Variants in TENM3 observed in about 807,000 individuals in gnomAD.
The protein encoded by TENM3 is teneurin-3.
A neutral mutation model predicts 255.1 loss-of-function variants in TENM3; 63 were observed. That is an observed-to-expected ratio of 0.25 (90% CI 0.20 to 0.30). TENM3 has a LOEUF of 0.30. Among genes scored for constraint, TENM3 ranks in the 10% least tolerant of loss-of-function variants. The probability of loss-of-function intolerance (pLI) is 1.00; values close to 1 mark genes in which losing one functional copy is unlikely to be tolerated. For synonymous variants in TENM3, 1,306 were observed against 1,322.3 expected (o/e 0.99, Z 0.27); for missense variants, 2,929 against 3,461.1 (o/e 0.85, Z 3.86).
chr4:182,657,679 G>A (rs748030915), intron 6 of TENM3, among the ~76,000 whole-genome samples: 1 of 151,340 alleles, frequency 6.6e-6, no homozygotes, highest in Non-Finnish European at 1.5e-5. Context: ...TTTGAGACAG[G>A]GTCTCACTCT....
At chr4:181,805,498 C>G in the TENM3 span, among the ~76,000 whole-genome samples, 1 of 152,128 alleles carries the variant, frequency 6.6e-6, no homozygotes, top group Non-Finnish European at 1.5e-5. Context: ...AATTTCCTTG[C>G]AGAATCCGCA....
chr4:182,390,853 T>G (rs529893633), intron 3 of TENM3, among the ~76,000 whole-genome samples: 55 of 152,186 alleles, frequency 3.6e-4, no homozygotes, highest in Non-Finnish European at 6.2e-4. Context: ...CCACTTGATA[T>G]GATGATTACT....
chr4:181,509,221 A>C, the TENM3 span, among the ~76,000 whole-genome samples: 1 of 152,118 alleles, frequency 6.6e-6, no homozygotes, highest in Admixed American at 6.5e-5. Flanking sequence ...TTATTTACAG[A>C]GGTCAAAATT....
At chr4:182,144,583 GC>G (rs1749765236), upstream of TENM3, 1 of 148,706 alleles carries the variant, frequency 6.7e-6, no homozygotes, top group Non-Finnish European at 1.5e-5. Context: ...TAACACTCGC[GC>G]CCCCTCCCCG....
chr4:182,669,495 C>T (rs1755024973), intron 6 of TENM3, among the ~76,000 whole-genome samples: 2 of 152,078 alleles, frequency 1.3e-5, no homozygotes, highest in South Asian at 4.2e-4. Flanking sequence ...TGGTCTCAAT[C>T]TCCTGACCTC....
chr4:182,324,592 G>A (rs955070624), intron 2 of TENM3, among the ~76,000 whole-genome samples: 5 of 152,174 alleles, frequency 3.3e-5, no homozygotes, highest in Admixed American at 6.5e-5. Flanking sequence ...GTTGAATGAA[G>A]GTGCTCACAG....
the TENM3 span, among the ~76,000 whole-genome samples, chr4:181,701,678 G>T: frequency 1.3e-5 from 2 of 152,130 alleles, no homozygotes; most frequent in African/African-American, 4.8e-5. Context: ...CTCCTAGAGG[G>T]CAGCTTGTTG....
the TENM3 span, among the ~76,000 whole-genome samples, chr4:181,919,773 T>C: frequency 6.6e-6 from 1 of 151,976 alleles, no homozygotes; most frequent in Admixed American, 6.6e-5. Flanking sequence ...AGGGTACATG[T>C]GCACAATGTG....
At chr4:181,639,318 A>G in the TENM3 span, among the ~76,000 whole-genome samples, 1 of 152,226 alleles carries the variant, frequency 6.6e-6, no homozygotes, top group Non-Finnish European at 1.5e-5. Flanking sequence ...GTATGAATGC[A>G]TCAAGCCCCC....
the TENM3 span, among the ~76,000 whole-genome samples, chr4:181,839,061 T>C: frequency 1.3e-4 from 19 of 151,648 alleles, no homozygotes; most frequent in Non-Finnish European, 1.3e-4. Flanking sequence ...GTAATGAAAT[T>C]TGGCTATTTC....
At chr4:182,316,796 G>T (rs1580134337) in intron 1 of TENM3, among the ~76,000 whole-genome samples, 2 of 152,100 alleles carry the variant, frequency 1.3e-5, no homozygotes, top group African/African-American at 4.8e-5. Flanking sequence ...CTTTTCTCTA[G>T]CAACTTGTCC....
At chr4:182,552,755 T>G (rs1009261896) in intron 3 of TENM3, among the ~76,000 whole-genome samples, 4 of 152,160 alleles carry the variant, frequency 2.6e-5, no homozygotes, top group Non-Finnish European at 5.9e-5. Flanking sequence ...GATAGTAAGG[T>G]TAGACTTGAG....
intron 13 of TENM3, among the ~76,000 whole-genome samples, chr4:182,728,028 T>C (rs1156498401): frequency 6.6e-6 from 1 of 151,862 alleles, no homozygotes; most frequent in Non-Finnish European, 1.5e-5. Context: ...GCCTGGCTAA[T>C]TTTAGAGATG....
At chr4:181,633,968 T>A in the TENM3 span, among the ~76,000 whole-genome samples, 1 of 152,214 alleles carries the variant, frequency 6.6e-6, no homozygotes, top group Non-Finnish European at 1.5e-5. Flanking sequence ...GAAGATCTCC[T>A]CTTTCACCTT....
At chr4:182,067,168 A>T in the TENM3 span, among the ~76,000 whole-genome samples, 1 of 152,132 alleles carries the variant, frequency 6.6e-6, no homozygotes, top group Admixed American at 6.5e-5. Flanking sequence ...CAGGGATGAG[A>T]GGCCGGCAGC....
Position 182,161,630 on chromosome 4 carries a change from T to C in TENM3, c.-76+16876T>C, listed in dbSNP as rs1190796836. ...ATATATATGTATATATATATACAAA[T>C]ATATATATGTATATATATATATACA... On this transcript the variant is annotated intron_variant, in intron 1 of 2. Coordinates refer to the TENM3 transcript ENST00000512480. 9.8e-3 allele frequency among the ~76,000 whole-genome samples: 752 copies of C among 76,982 alleles called. 40 individuals carry two copies. The highest frequency in any genetic ancestry group is 0.078 in the East Asian group (85 of 1,096). 50.5% of individuals were successfully genotyped at this position (76,982 alleles called of 152,430 possible). A position where few individuals can be genotyped will look rare whatever the true frequency, so the allele number is the denominator to read the frequency against.
intron 3 of TENM3, among the ~76,000 whole-genome samples, chr4:182,542,246 C>T (rs960502960): frequency 6.6e-6 from 1 of 152,080 alleles, no homozygotes; most frequent in African/African-American, 2.4e-5. Context: ...GTTTTTGGCT[C>T]TGAGGTCATG....
chr4:181,780,936 G>A, the TENM3 span, among the ~76,000 whole-genome samples: 14 of 152,070 alleles, frequency 9.2e-5, 1 homozygote, highest in Non-Finnish European at 1.9e-4. Context: ...GGTCATAGGT[G>A]TGTGGTATTA....
chr4:182,628,308 G>A (rs896314740), intron 4 of TENM3, among the ~76,000 whole-genome samples: 3 of 152,066 alleles, frequency 2.0e-5, no homozygotes, highest in African/African-American at 7.2e-5. Flanking sequence ...TTCATCAAGG[G>A]ACATTCCAAA....
Sources: gnomAD v4.1 joint callset for allele counts (sites outside exome capture counted in the v4.1 genomes callset) on GRCh38, gnomAD v4.1.1 for gene constraint, MANE v1.5 for transcripts, NCBI Gene and HGNC (gene_info 2026-07-23, HGNC 2026-07-21) for gene names.